Variants in ABCC9 observed in about 807,000 individuals in gnomAD.
ABCC9 encodes the protein ATP-binding cassette sub-family C member 9.
In ABCC9, 95 loss-of-function variants were observed where a neutral mutation model predicts 188.3. That is an observed-to-expected ratio of 0.50 (90% confidence interval 0.43 to 0.60). The LOEUF is 0.60. Ranked by LOEUF, ABCC9 falls within the 20% of genes least tolerant of loss-of-function variation. ABCC9 has a pLI of 0.00. For synonymous variants in ABCC9, 659 were observed against 652.7 expected (o/e 1.01, Z -0.15); for missense variants, 1,102 against 1,876.3 (o/e 0.59, Z 7.62).
chr12:21,822,976 A>G (rs980809079), intron 31 of ABCC9, among the ~76,000 whole-genome samples: 2 of 152,138 alleles, frequency 1.3e-5, no homozygotes, highest in Non-Finnish European at 2.9e-5. Context: ...TGGTCTGCAT[A>G]ACTTTCACAG....
At chr12:21,812,998 C>T (rs1427867171) in intron 35 of ABCC9, among the ~76,000 whole-genome samples, 1 of 152,046 alleles carries the variant, frequency 6.6e-6, no homozygotes, top group East Asian at 1.9e-4. Context: ...GAGTACTTTT[C>T]CTTCTAGTAT....
intron 39 of ABCC9, among the ~76,000 whole-genome samples, chr12:21,802,471 A>G (rs866792841): frequency 1.3e-4 from 20 of 152,322 alleles, no homozygotes; most frequent in Middle Eastern, 3.4e-3. Flanking sequence ...AGCAACTTTA[A>G]TACATTTTAA....
intron 15 of ABCC9, among the ~76,000 whole-genome samples, chr12:21,887,011 G>A (rs1483348474): frequency 6.6e-6 from 1 of 152,056 alleles, no homozygotes. Context: ...GTGAAACTAT[G>A]TTACTGTTTT....
chr12:21,871,515 G>A (rs890771913), intron 18 of ABCC9, among the ~76,000 whole-genome samples: 3 of 152,048 alleles, frequency 2.0e-5, no homozygotes, highest in Non-Finnish European at 4.4e-5. Flanking sequence ...CTTAATTGGA[G>A]TTTAAAATAA....
chr12:21,832,181 A>T (rs893159831), intron 30 of ABCC9, among the ~76,000 whole-genome samples: 1 of 152,232 alleles, frequency 6.6e-6, no homozygotes, highest in Non-Finnish European at 1.5e-5. Flanking sequence ...ACAAGAAAAA[A>T]ATAGGAAAGG....
At chr12:21,872,598 A>C (rs372334908) in intron 18 of ABCC9, 27 bp downstream of exon 18, 3 of 1,530,030 alleles carry the variant, frequency 2.0e-6, no homozygotes, top group East Asian at 2.3e-5. Context: ...TGACATAGCA[A>C]TGGAAGCCAA....
chr12:21,845,270 A>G (rs974311205), intron 26 of ABCC9, among the ~76,000 whole-genome samples: 1 of 152,148 alleles, frequency 6.6e-6, no homozygotes, highest in Non-Finnish European at 1.5e-5. Flanking sequence ...GGTAGTTAAC[A>G]TCAAATACCA....
intron 14 of ABCC9, among the ~76,000 whole-genome samples, chr12:21,889,658 T>G (rs140281317): frequency 1.5e-3 from 222 of 152,316 alleles, no homozygotes; most frequent in African/African-American, 5.1e-3. Flanking sequence ...CAATTCTCCA[T>G]TCCCATTTCT....
At chr12:21,891,259 G>A (rs1359604242) in intron 14 of ABCC9, among the ~76,000 whole-genome samples, 1 of 152,182 alleles carries the variant, frequency 6.6e-6, no homozygotes, top group African/African-American at 2.4e-5. Context: ...GTAGAGATGA[G>A]TAAAATGGTG....
Position 21,894,019 on chromosome 12 carries a change from C to A in ABCC9, c.1802+13G>T. On this transcript the variant is annotated intron_variant, in intron 14 of 39. Coordinates refer to ENST00000261200, the MANE Select transcript of ABCC9 (RefSeq NM_020297.4). ...ATCAATAAGCAAAAAATGCCAGACA[C>A]TTCAGTGCATACCTTATGATGGCTT... 1 of 1,613,790 alleles carries A rather than the reference C, an allele frequency of 6.2e-7. No homozygotes were observed. Among genetic ancestry groups the A allele is most frequent in the Non-Finnish European group, 8.5e-7 (1 of 1,179,942 alleles).
chr12:21,842,493 A>G, intron 28 of ABCC9, 22 bp from the exon 29 acceptor site: 1 of 1,612,118 alleles, frequency 6.2e-7, no homozygotes, highest in South Asian at 1.1e-5. Flanking sequence ...GTTTAAAAGG[A>G]AAATATGATT....
At chr12:21,925,892 G>A (rs1565491219) in intron 5 of ABCC9, 50 bp downstream of exon 5, 1 of 1,576,284 alleles carries the variant, frequency 6.3e-7, no homozygotes, top group Non-Finnish European at 8.7e-7. Context: ...CCTTTGGGGG[G>A]AAAAACAAAT....
rs1247382557 is a variant in ABCC9 at position 21,809,968 on chromosome 12, ATTAG to A, written c.4212-17_4212-14del. ...ATCTAAATTAAATCTGTAGGGAAAA[ATTAG>A]TTAATTAGTCAATAAGTGAAAATAT... On this transcript the variant is annotated splice_polypyrimidine_tract_variant and intron_variant, in intron 36 of 39. Coordinates refer to ENST00000261200, the MANE Select transcript of ABCC9 (RefSeq NM_020297.4). 6.3e-6 allele frequency: 9 copies of A among 1,434,922 alleles called. No individual in the cohort carries two copies. Among genetic ancestry groups the A allele is most frequent in the South Asian group, 1.1e-5 (1 of 87,488 alleles). The allele number at this position is 1,434,922 out of a possible 1,614,324, so 88.9% of individuals were successfully genotyped here.
Position 21,912,955 on chromosome 12 carries a change from G to A in ABCC9, c.928C>T (p.Leu310=), listed in dbSNP as rs747640613. The change falls in exon 8 of 40, where the codon CTG becomes TTG. Residue 310 remains leucine (L), a synonymous_variant. Coordinates refer to ENST00000261200, the MANE Select transcript of ABCC9 (RefSeq NM_020297.4). The part of the protein sequence containing the change: ...SSTFRYLADL[L]GFAGPLCISG... ...ATACAAAGAGGTCCAGCAAAACCCA[G>A]TAAATCAGCCAGATAGCGGAATGTG... The A allele has an allele frequency of 8.1e-6, 13 of 1,613,372 alleles. No individual in the cohort carries two copies. The Admixed American group carries it at 2.2e-4, about 27-fold the overall frequency.
rs1443226357 is a variant in ABCC9 at position 21,935,058 on chromosome 12, A to C, written c.143-1135T>G. 5.3e-5 allele frequency among the ~76,000 whole-genome samples: 8 copies of C among 152,130 alleles called. No individual in the cohort carries two copies. The East Asian group carries it at 1.4e-3, about 26-fold the overall frequency. ...GCCAATGTCATAAATGAAAAGTCTGAATTTTTTCTATTTCCCTTTAACAAT... is the reference window on the plus strand; with the variant it reads ...GCCAATGTCATAAATGAAAAGTCTGCATTTTTTCTATTTCCCTTTAACAAT... On this transcript the variant is annotated intron_variant, in intron 3 of 39. Coordinates refer to ENST00000261200, the MANE Select transcript of ABCC9 (RefSeq NM_020297.4).
intron 15 of ABCC9, 65 bp from the exon 16 acceptor site, chr12:21,882,938 AC>A: frequency 8.1e-7 from 1 of 1,241,310 alleles, no homozygotes; most frequent in Non-Finnish European, 1.2e-6. Context: ...TTTACTGAAC[AC>A]TTACTCACAT....
rs186122379 is a variant in ABCC9, at chr12:21,884,332, C to T, written c.1912-1459G>A. On this transcript the variant is annotated intron_variant, in intron 15 of 39. Coordinates refer to ENST00000261200, the MANE Select transcript of ABCC9 (RefSeq NM_020297.4). ...AAGCTATCTGCCCATCTCAGCTTCC[C>T]GAAGTGCTGGGACTATAGGTATGAA... Among the ~76,000 whole-genome samples the T allele has an allele frequency of 1.7e-3, 253 of 152,190 alleles. 3 individuals are homozygous for T. The South Asian group carries it at 0.032, about 19-fold the overall frequency.
intron 18 of ABCC9, among the ~76,000 whole-genome samples, chr12:21,870,654 T>C (rs1033431998): frequency 2.6e-5 from 4 of 152,212 alleles, no homozygotes; most frequent in African/African-American, 7.2e-5. Flanking sequence ...CTAGCTTTCA[T>C]GAAGTTCAGA....
rs1224797206 is a variant in ABCC9, at chr12:21,923,663, T to G, written c.406+2279A>C. 1.7e-5 allele frequency: 10 copies of G among 578,632 alleles called. No individual in the cohort carries two copies. In the East Asian group the frequency reaches 2.8e-4, roughly 16 times the overall value. The allele number at this position is 578,632 out of a possible 1,614,324, so 35.8% of individuals were successfully genotyped here. On this transcript the variant is annotated intron_variant, in intron 5 of 39. Transcript: ENST00000261200. ...CATGTGGAACTGGAACTCTTACACC[T>G]TGTTAGTGAGTATAAAAAATGATAC...
Sources: gnomAD v4.1 joint callset for allele counts (sites outside exome capture counted in the v4.1 genomes callset) on GRCh38, gnomAD v4.1.1 for gene constraint, MANE v1.5 for transcripts, NCBI Gene and HGNC (gene_info 2026-07-23, HGNC 2026-07-21) for gene names.